BANK1: variants seen among roughly 807,000 people sequenced by gnomAD.
BANK1 encodes the protein B-cell scaffold protein with ankyrin repeats.
In BANK1, 95 loss-of-function variants were observed where a neutral mutation model predicts 94.5. The ratio of observed to expected loss-of-function variants is 1.00; its 90% confidence interval spans 0.85 to 1.19. BANK1 has a LOEUF of 1.19. Among genes scored for constraint, BANK1 ranks in the 50% most tolerant of loss-of-function variants. The probability of loss-of-function intolerance (pLI) is 0.00; values close to 1 mark genes in which losing one functional copy is unlikely to be tolerated. For missense variants in BANK1, 987 were observed against 932.2 expected, an observed-to-expected ratio of 1.06 and a Z score of -0.77; for synonymous variants, 334 against 308.4, an observed-to-expected ratio of 1.08 and a Z score of -0.87.
rs1270689180 is a variant in BANK1, at chr4:101,792,462, TG to T, written c.70+1513del. ...TGGTTTGTGTGTGTGTGTGTGTGTGTGTGTGTGTTTTTTTTTTTTTAATGAA... is the reference window on the plus strand; with the variant it reads ...TGGTTTGTGTGTGTGTGTGTGTGTGTTGTGTGTTTTTTTTTTTTTAATGAA... On this transcript the variant is annotated intron_variant, in intron 1 of 16. Transcript: ENST00000322953. Among the ~76,000 whole-genome samples the T allele has an allele frequency of 2.9e-3, 290 of 99,078 alleles. 2 individuals carry two copies. The highest frequency in any genetic ancestry group is 7.5e-3 in the Admixed American group (76 of 10,138). The allele number at this position is 99,078 out of a possible 152,430, so 65.0% of individuals were successfully genotyped here.
intron 12 of BANK1, 63 bp from the exon 13 acceptor site, chr4:102,063,012 T>A: frequency 7.4e-7 from 1 of 1,359,112 alleles, no homozygotes. Flanking sequence ...GTAGTTGATG[T>A]TTTCATCTTG....
chr4:102,030,493 G>T (rs967667240), intron 10 of BANK1, among the ~76,000 whole-genome samples: 1 of 149,684 alleles, frequency 6.7e-6, no homozygotes, highest in Admixed American at 6.7e-5. Context: ...GTGCAGTCTT[G>T]TTACTAGGTA....
chr4:102,062,976 A>C, intron 12 of BANK1, 99 bp from the exon 13 acceptor site: 1 of 856,890 alleles, frequency 1.2e-6, no homozygotes, highest in Non-Finnish European at 1.9e-6. Flanking sequence ...AATTAATATC[A>C]AGTAGCAGCA....
intron 4 of BANK1, among the ~76,000 whole-genome samples, chr4:101,869,279 GATTTC>G (rs1728192438): frequency 6.6e-6 from 1 of 151,772 alleles, no homozygotes; most frequent in African/African-American, 2.4e-5. Flanking sequence ...TACTGAAATT[GATTTC>G]ATTTGACTCC....
At chr4:102,051,382 T>G (rs941266114) in intron 11 of BANK1, among the ~76,000 whole-genome samples, 2 of 152,178 alleles carry the variant, frequency 1.3e-5, no homozygotes, top group African/African-American at 2.4e-5. Context: ...CCTTGAAAAT[T>G]TTGTGTAATA....
intron 2 of BANK1, among the ~76,000 whole-genome samples, chr4:101,834,280 A>G (rs1452793862): frequency 2.6e-5 from 4 of 152,156 alleles, no homozygotes; most frequent in Admixed American, 2.0e-4. Flanking sequence ...TGGAGACACT[A>G]TTATCTCTCA....
At chr4:101,792,519 A>T (rs151241196) in intron 1 of BANK1, among the ~76,000 whole-genome samples, 74 of 149,910 alleles carry the variant, frequency 4.9e-4, no homozygotes, top group African/African-American at 1.8e-3. Flanking sequence ...AACTATCTTA[A>T]TATGGCACAT....
intron 1 of BANK1, among the ~76,000 whole-genome samples, chr4:101,803,769 G>A (rs1725438792): frequency 1.3e-5 from 2 of 151,366 alleles, no homozygotes; most frequent in Admixed American, 6.6e-5. Flanking sequence ...AGGCCGAGGC[G>A]GGCGGATCAC....
At chr4:101,806,806 C>T (rs1725569854) in intron 1 of BANK1, among the ~76,000 whole-genome samples, 1 of 152,174 alleles carries the variant, frequency 6.6e-6, no homozygotes, top group African/African-American at 2.4e-5. Flanking sequence ...TTCATTTATT[C>T]TTCAACCATT....
chr4:101,872,105 G>A (rs531740470), intron 5 of BANK1, among the ~76,000 whole-genome samples: 94 of 152,072 alleles, frequency 6.2e-4, no homozygotes, highest in African/African-American at 2.1e-3. Context: ...AAGCTCTGGC[G>A]GCCTGTAGAA....
intron 7 of BANK1, among the ~76,000 whole-genome samples, chr4:101,996,211 G>A (rs180925927): frequency 2.4e-3 from 368 of 152,010 alleles, no homozygotes; most frequent in Non-Finnish European, 4.2e-3. Flanking sequence ...TTATTTTTTC[G>A]AGGTTTGTCA....
chr4:101,981,438 T>C (rs766681709), intron 7 of BANK1, among the ~76,000 whole-genome samples: 2 of 152,110 alleles, frequency 1.3e-5, no homozygotes, highest in Non-Finnish European at 2.9e-5. Context: ...GGTCATGATA[T>C]ATTTTTCTCG....
At chr4:102,038,224 A>T (rs1471691080) in intron 10 of BANK1, among the ~76,000 whole-genome samples, 1 of 152,176 alleles carries the variant, frequency 6.6e-6, no homozygotes, top group Non-Finnish European at 1.5e-5. Flanking sequence ...TAACAGTGCA[A>T]ATCATGATCC....
intron 6 of BANK1, among the ~76,000 whole-genome samples, chr4:101,909,899 A>G (rs575334944): frequency 7.2e-5 from 11 of 152,338 alleles, no homozygotes; most frequent in African/African-American, 2.4e-4. Context: ...TTGAAAATGT[A>G]TTTTAAAATA....
chr4:101,954,703 G>T (rs1724280015), intron 7 of BANK1, among the ~76,000 whole-genome samples: 1 of 152,110 alleles, frequency 6.6e-6, no homozygotes, highest in Admixed American at 6.6e-5. Flanking sequence ...TGTTACCACA[G>T]TTTGCCAACA....
intron 1 of BANK1, among the ~76,000 whole-genome samples, chr4:101,814,366 T>C (rs1725828152): frequency 6.6e-6 from 1 of 152,164 alleles, no homozygotes. Flanking sequence ...TTACTGTCTT[T>C]TTTCCACCAC....
At chr4:101,941,381 C>T (rs1560644104) in intron 7 of BANK1, among the ~76,000 whole-genome samples, 2 of 151,872 alleles carry the variant, frequency 1.3e-5, no homozygotes, top group East Asian at 3.9e-4. Flanking sequence ...GTGCTCACTG[C>T]TACTAGGTAT....
intron 16 of BANK1, 49 bp downstream of exon 16, chr4:102,073,797 T>C (rs370131358): frequency 6.9e-7 from 1 of 1,442,720 alleles, no homozygotes. Context: ...AGCAGCCTTG[T>C]TAGGGACTTG....
Position 102,012,990 on chromosome 4 carries a change from G to A in BANK1, c.1207-8524G>A, listed in dbSNP as rs192582083. ...CAACTTTTTGAACAATTATATTGAG[G>A]TATTCAAAGCAGCAAGATGATTTGT... On this transcript the variant is annotated intron_variant, in intron 7 of 16. Coordinates refer to ENST00000322953, the MANE Select transcript of BANK1 (RefSeq NM_017935.5). Among the ~76,000 whole-genome samples, 9 of 152,134 alleles carry A rather than the reference G, an allele frequency of 5.9e-5. No individual in the cohort carries two copies. In the East Asian group the frequency reaches 1.5e-3, roughly 26 times the overall value.
Sources: allele counts gnomAD v4.1 joint callset (sites outside exome capture counted in the v4.1 genomes callset), GRCh38; gene constraint gnomAD v4.1.1; transcripts MANE v1.5; gene names NCBI Gene and HGNC (gene_info 2026-07-23, HGNC 2026-07-21).